The following COMMD10 variants were observed in gnomAD, a reference collection of about 807,000 sequenced individuals.
The protein encoded by COMMD10 is COMM domain containing 10, also known as COMM domain-containing protein 10.
In COMMD10, 33 loss-of-function variants were observed where a neutral mutation model predicts 28.9. The observed-to-expected ratio is 1.14, with a 90% CI of 0.87 to 1.53. The LOEUF is 1.53. Among genes scored for constraint, COMMD10 ranks in the 40% most tolerant of loss-of-function variants. The pLI is 0.00. For missense variants in COMMD10, 310 were observed against 233.4 expected, an observed-to-expected ratio of 1.33 and a Z score of -2.14; for synonymous variants, 110 against 81.7, an observed-to-expected ratio of 1.35 and a Z score of -1.87.
At chr5:116,181,872 T>A (rs74464778) in intron 5 of COMMD10, among the ~76,000 whole-genome samples, 2,423 of 152,206 alleles carry the variant, frequency 0.016, 64 homozygotes, top group African/African-American at 0.056. Context: ...TCAGTAAATA[T>A]TTACTAAACA....
At chr5:116,142,419 A>G (rs896124006) in intron 5 of COMMD10, among the ~76,000 whole-genome samples, 16 of 151,806 alleles carry the variant, frequency 1.1e-4, no homozygotes, top group African/African-American at 3.6e-4. Context: ...AATGAATTAG[A>G]GAAGCCTTCT....
Position 116,286,046 on chromosome 5 carries a change from AT to A in COMMD10, c.511-5469del, listed in dbSNP as rs1323684494. ...TACTGATTCAATCTCTGTATTCATT[AT>A]TGATCTGTTCATATTTTCTATTTAT... On this transcript the variant is annotated intron_variant, in intron 5 of 6. Coordinates refer to ENST00000274458, the MANE Select transcript of COMMD10 (RefSeq NM_016144.4). Among the ~76,000 whole-genome samples, 5 of 151,816 alleles carry A rather than the reference AT, an allele frequency of 3.3e-5. No homozygotes were observed. The East Asian group carries it at 9.6e-4, about 29-fold the overall frequency.
chr5:116,196,504 A>C (rs1334569168), intron 5 of COMMD10, among the ~76,000 whole-genome samples: 2 of 128,384 alleles, frequency 1.6e-5, no homozygotes, highest in Non-Finnish European at 3.0e-5. Context: ...AAAAATAAAT[A>C]TGTTAAAAAA....
intron 5 of COMMD10, among the ~76,000 whole-genome samples, chr5:116,245,071 A>G (rs982751107): frequency 6.6e-6 from 1 of 152,108 alleles, no homozygotes; most frequent in Non-Finnish European, 1.5e-5. Flanking sequence ...AATTAATAAA[A>G]TACATAGATC....
chr5:116,167,251 GAATATCAACTTA>G (rs1409054234), intron 5 of COMMD10, among the ~76,000 whole-genome samples: 1 of 151,764 alleles, frequency 6.6e-6, no homozygotes, highest in Non-Finnish European at 1.5e-5. Flanking sequence ...ATATCAGATT[GAATATCAACTTA>G]ATGAAGTAAA....
chr5:116,149,781 G>A lies in COMMD10; in HGVS notation c.510+15603G>A, dbSNP rs1430685054. Among the ~76,000 whole-genome samples the A allele has an allele frequency of 8.2e-4, 115 of 140,574 alleles. 1 individual carries two copies. The South Asian group carries it at 8.4e-3, about 10-fold the overall frequency. 92.2% of individuals were successfully genotyped at this position (140,574 alleles called of 152,430 possible). A position where few individuals can be genotyped will look rare whatever the true frequency, so the allele number is the denominator to read the frequency against. On this transcript the variant is annotated intron_variant, in intron 5 of 6. Transcript: ENST00000274458. ...GCCCTTTGTCAGATGAGTAGGTTGCGAAAATTTTCTCCCATTTTGTAGGTT... is the reference window on the plus strand; with the variant it reads ...GCCCTTTGTCAGATGAGTAGGTTGCAAAAATTTTCTCCCATTTTGTAGGTT...
intron 5 of COMMD10, among the ~76,000 whole-genome samples, chr5:116,164,939 A>C (rs1468467669): frequency 1.3e-5 from 2 of 152,250 alleles, no homozygotes; most frequent in Non-Finnish European, 2.9e-5. Context: ...TAAAGTACCC[A>C]TGAAGACTTG....
intron 5 of COMMD10, among the ~76,000 whole-genome samples, chr5:116,201,438 G>T (rs1458457350): frequency 6.6e-6 from 1 of 152,058 alleles, no homozygotes; most frequent in Non-Finnish European, 1.5e-5. Flanking sequence ...GCAATTAATT[G>T]CTGTTTAAGT....
In COMMD10 at chr5:116,209,717, T is replaced by G. The variant is rs562912396; in HGVS notation, c.510+75539T>G. Reference sequence around the variant, plus strand: ...GTCATAGCGTGCTTGTTAAAGTATTTTCAATTAACTTTCTCCACGCGTCTC... The same window carrying G: ...GTCATAGCGTGCTTGTTAAAGTATTGTCAATTAACTTTCTCCACGCGTCTC... On this transcript the variant is annotated intron_variant, in intron 5 of 6. Transcript: ENST00000274458. Among the ~76,000 whole-genome samples, 5 of 152,280 alleles carry G rather than the reference T, an allele frequency of 3.3e-5. No individual in the cohort carries two copies. The South Asian group carries it at 1.0e-3, about 32-fold the overall frequency.
chr5:116,164,704 C>A (rs912029325), intron 5 of COMMD10, among the ~76,000 whole-genome samples: 3 of 152,122 alleles, frequency 2.0e-5, no homozygotes, highest in African/African-American at 7.2e-5. Flanking sequence ...ATAATAATAT[C>A]TGAAATAGTA....
intron 4 of COMMD10, among the ~76,000 whole-genome samples, chr5:116,132,594 A>T (rs1166937673): frequency 6.6e-6 from 1 of 152,020 alleles, no homozygotes; most frequent in Non-Finnish European, 1.5e-5. Context: ...TCAATTAAAT[A>T]AGGTAAATGC....
intron 5 of COMMD10, among the ~76,000 whole-genome samples, chr5:116,172,614 G>T (rs78415955): frequency 0.076 from 11,620 of 152,106 alleles, 792 homozygotes; most frequent in African/African-American, 0.19. Context: ...ACAGAACTGA[G>T]TTCCTATTCG....
chr5:116,237,655 G>A (rs924639728), intron 5 of COMMD10, among the ~76,000 whole-genome samples: 4 of 152,086 alleles, frequency 2.6e-5, no homozygotes, highest in African/African-American at 9.7e-5. Flanking sequence ...AGAAAAAAAA[G>A]AGGCAAGATT....
At chr5:116,208,997 A>C (rs1748888551) in intron 5 of COMMD10, among the ~76,000 whole-genome samples, 1 of 151,582 alleles carries the variant, frequency 6.6e-6, no homozygotes, top group African/African-American at 2.4e-5. Flanking sequence ...TTTGTTTTTT[A>C]TTTGCCAGAT....
At chr5:116,290,543 A>G (rs1751336085) in intron 5 of COMMD10, among the ~76,000 whole-genome samples, 1 of 151,908 alleles carries the variant, frequency 6.6e-6, no homozygotes, top group African/African-American at 2.4e-5. Context: ...AATGGAAATC[A>G]TTAAAACAGA....
chr5:116,209,285 A>G (rs1460515031), intron 5 of COMMD10, among the ~76,000 whole-genome samples: 1 of 152,146 alleles, frequency 6.6e-6, no homozygotes, highest in Non-Finnish European at 1.5e-5. Flanking sequence ...TTACTGCTTC[A>G]GGCTTTGTAA....
chr5:116,288,534 A>G (rs1751281062), intron 5 of COMMD10, among the ~76,000 whole-genome samples: 1 of 151,428 alleles, frequency 6.6e-6, no homozygotes. Flanking sequence ...AAGCTCTCTT[A>G]TTTTTTTCTC....
chr5:116,218,393 C>T, intron 5 of COMMD10: 1 of 500,646 alleles, frequency 2.0e-6, no homozygotes, highest in Middle Eastern at 4.2e-4. Context: ...GCCTCTTGTT[C>T]ATACTGCTCC....
At chr5:116,160,389 C>G (rs891982596) in intron 5 of COMMD10, among the ~76,000 whole-genome samples, 5 of 152,136 alleles carry the variant, frequency 3.3e-5, no homozygotes, top group Non-Finnish European at 5.9e-5. Flanking sequence ...TTCTGACCTT[C>G]TCATAGTAAC....
Sources: gnomAD v4.1 joint callset for allele counts (sites outside exome capture counted in the v4.1 genomes callset) on GRCh38, gnomAD v4.1.1 for gene constraint, MANE v1.5 for transcripts, NCBI Gene and HGNC (gene_info 2026-07-23, HGNC 2026-07-21) for gene names.